The following ROBO2 variants were observed in gnomAD, a reference collection of about 807,000 sequenced individuals.
ROBO2 encodes the protein roundabout guidance receptor 2.
Under a neutral mutation model 160.8 loss-of-function variants are expected in ROBO2, and 53 were observed. The observed-to-expected ratio is 0.33, with a 90% CI of 0.26 to 0.41. The LOEUF is 0.41. Among genes scored for constraint, ROBO2 ranks in the 10% least tolerant of loss-of-function variants. ROBO2 has a pLI of 1.00. For missense variants in ROBO2, 1,577 were observed against 1,722.4 expected (o/e 0.92, Z 1.49); for synonymous variants, 664 against 611.7 (o/e 1.09, Z -1.26).
intron 2 of ROBO2, among the ~76,000 whole-genome samples, chr3:77,161,193 GA>G (rs563218974): frequency 1.6e-3 from 249 of 152,248 alleles, no homozygotes; most frequent in Admixed American, 4.7e-3. Context: ...TAGGTGTTGA[GA>G]AAAACACATT....
intron 2 of ROBO2, among the ~76,000 whole-genome samples, chr3:77,446,197 C>G (rs2080487845): frequency 6.6e-6 from 1 of 151,892 alleles, no homozygotes; most frequent in Admixed American, 6.6e-5. Flanking sequence ...CTTTTCAGCA[C>G]CATCTAATTG....
chr3:76,180,821 T>C (rs1028092547), intron 2 of ROBO2, among the ~76,000 whole-genome samples: 1 of 152,140 alleles, frequency 6.6e-6, no homozygotes, highest in Non-Finnish European at 1.5e-5. Context: ...TCATCAAGAT[T>C]AAAGGAAAAC....
chr3:77,153,749 G>A (rs1417476362), intron 2 of ROBO2, among the ~76,000 whole-genome samples: 1 of 152,026 alleles, frequency 6.6e-6, no homozygotes, highest in Non-Finnish European at 1.5e-5. Context: ...TGACATCTAG[G>A]TTAAATCCTT....
chr3:76,495,165 C>A (rs1048217740), intron 2 of ROBO2, among the ~76,000 whole-genome samples: 6 of 151,278 alleles, frequency 4.0e-5, no homozygotes, highest in Admixed American at 4.0e-4. Flanking sequence ...CTTTAGTATA[C>A]CATTAATTTT....
At chr3:76,471,696 A>C (rs1161503269) in intron 2 of ROBO2, among the ~76,000 whole-genome samples, 1 of 152,110 alleles carries the variant, frequency 6.6e-6, no homozygotes, top group African/African-American at 2.4e-5. Flanking sequence ...GTCTGTTCTC[A>C]TGCTGTTATT....
In ROBO2 at chr3:76,869,729, C is replaced by G. The variant is rs17014857; in HGVS notation, c.110-228285C>G. Among the ~76,000 whole-genome samples the G allele has an allele frequency of 7.4e-3, 1,123 of 152,176 alleles. 16 individuals are homozygous for G. The highest frequency in any genetic ancestry group is 0.026 in the African/African-American group (1,075 of 41,508). On this transcript the variant is annotated intron_variant, in intron 2 of 26. Coordinates refer to the ROBO2 transcript ENST00000487694. ...TTAAAATCCTTGAACATAATTTATT[C>G]TATTTCCTGCATTTATATTGAAAAA...
chr3:76,497,071 T>G (rs2080189439), intron 2 of ROBO2, among the ~76,000 whole-genome samples: 2 of 152,334 alleles, frequency 1.3e-5, no homozygotes, highest in Middle Eastern at 3.4e-3. Context: ...CTTGGCCCAC[T>G]GCACTCCAGC....
chr3:76,660,209 G>A (rs1478333624), intron 2 of ROBO2, among the ~76,000 whole-genome samples: 2 of 152,144 alleles, frequency 1.3e-5, no homozygotes, highest in Non-Finnish European at 1.5e-5. Context: ...TTGTTTTCTA[G>A]CAGTGTATTT....
In ROBO2 at chr3:76,485,355, A is replaced by T. The variant is rs542654088; in HGVS notation, c.109+547753A>T. On this transcript the variant is annotated intron_variant, in intron 2 of 26. Coordinates refer to the ROBO2 transcript ENST00000487694. Reference sequence around the variant, plus strand: ...CAATAGGGTTCATGCCCCTGTGAGAATCTAATGCTGCCGCTAATCTGACAG... The same window carrying T: ...CAATAGGGTTCATGCCCCTGTGAGATTCTAATGCTGCCGCTAATCTGACAG... Among the ~76,000 whole-genome samples, 24 of 152,150 alleles carry T rather than the reference A, an allele frequency of 1.6e-4. No homozygotes were observed. The East Asian group carries it at 2.1e-3, about 14-fold the overall frequency.
At chr3:76,883,015 G>A (rs1177473433) in intron 2 of ROBO2, among the ~76,000 whole-genome samples, 2 of 152,100 alleles carry the variant, frequency 1.3e-5, no homozygotes, top group Non-Finnish European at 2.9e-5. Flanking sequence ...TCTGCCTACA[G>A]GAAGGAGAAT....
intron 2 of ROBO2, among the ~76,000 whole-genome samples, chr3:77,325,314 C>T (rs571407132): frequency 2.5e-4 from 38 of 152,274 alleles, no homozygotes; most frequent in African/African-American, 8.4e-4. Context: ...TGAGAGCCAC[C>T]TTAGCTGTTC....
chr3:76,108,548 A>G (rs772748818), intron 2 of ROBO2, among the ~76,000 whole-genome samples: 1 of 151,836 alleles, frequency 6.6e-6, no homozygotes. Context: ...TTTGTTTTGA[A>G]TTATATCTAT....
intron 2 of ROBO2, among the ~76,000 whole-genome samples, chr3:76,623,443 T>C (rs1377585547): frequency 1.3e-5 from 2 of 152,220 alleles, no homozygotes; most frequent in Non-Finnish European, 2.9e-5. Context: ...TTAAATAATT[T>C]GCATTCTATT....
intron 2 of ROBO2, among the ~76,000 whole-genome samples, chr3:77,218,807 T>C (rs754680954): frequency 1.6e-4 from 25 of 152,344 alleles, no homozygotes; most frequent in Middle Eastern, 3.4e-3. Flanking sequence ...TCCTTTACAA[T>C]GGAAGTGCTA....
intron 2 of ROBO2, among the ~76,000 whole-genome samples, chr3:76,079,977 T>C (rs2068768432): frequency 6.6e-6 from 1 of 152,222 alleles, no homozygotes; most frequent in Non-Finnish European, 1.5e-5. Flanking sequence ...AAATATTTTA[T>C]AGCAGGAATA....
intron 2 of ROBO2, among the ~76,000 whole-genome samples, chr3:76,225,322 A>G (rs939382901): frequency 1.3e-5 from 2 of 152,204 alleles, no homozygotes; most frequent in Admixed American, 6.5e-5. Context: ...AGCCCATTGC[A>G]AAATATGTGT....
At chr3:75,955,677 A>G (rs907356473) in intron 2 of ROBO2, among the ~76,000 whole-genome samples, 3 of 151,774 alleles carry the variant, frequency 2.0e-5, no homozygotes, top group Non-Finnish European at 1.5e-5. Context: ...CTGTGCACTC[A>G]AAGTGTGCTC....
chr3:77,360,553 T>C lies in ROBO2; in HGVS notation c.389-116861T>C, dbSNP rs370624883. On this transcript the variant is annotated intron_variant, in intron 2 of 25. Coordinates refer to ENST00000461745, the Ensembl canonical transcript of ROBO2. ...TGTGTTTTACCAATAAATTTCTTTG[T>C]GTTGGTTTAGCACAAGCCTTATACA... 1.3e-3 allele frequency among the ~76,000 whole-genome samples: 199 copies of C among 152,218 alleles called. 1 individual carries two copies. In the Middle Eastern group the frequency reaches 0.017, roughly 13 times the overall value.
chr3:76,697,834 G>T (rs2092959905), intron 2 of ROBO2, among the ~76,000 whole-genome samples: 1 of 151,936 alleles, frequency 6.6e-6, no homozygotes. Flanking sequence ...CACCTCAAAA[G>T]AGCGAAGGAA....
Sources: gnomAD v4.1 joint callset for allele counts (sites outside exome capture counted in the v4.1 genomes callset) on GRCh38, gnomAD v4.1.1 for gene constraint, MANE v1.5 for transcripts, NCBI Gene and HGNC (gene_info 2026-07-23, HGNC 2026-07-21) for gene names.